TMEM135: variants seen among roughly 807,000 people sequenced by gnomAD.
TMEM135 encodes peroxisomal membrane protein 52.
Under a neutral mutation model 60.3 loss-of-function variants are expected in TMEM135, and 30 were observed. That is an observed-to-expected ratio of 0.50 (90% CI 0.37 to 0.68). The LOEUF (loss-of-function observed/expected upper bound fraction) is 0.68. Ranked by LOEUF, TMEM135 falls within the 30% of genes least tolerant of loss-of-function variation. The pLI, the probability that TMEM135 is intolerant of heterozygous loss-of-function variation, is 0.00. For synonymous variants in TMEM135, 190 were observed against 186.7 expected, an observed-to-expected ratio of 1.02 and a Z score of -0.14; for missense variants, 468 against 548.8, an observed-to-expected ratio of 0.85 and a Z score of 1.47.
intron 5 of TMEM135, among the ~76,000 whole-genome samples, chr11:87,195,193 C>G (rs1252144399): frequency 1.3e-5 from 2 of 152,116 alleles, no homozygotes; most frequent in Non-Finnish European, 2.9e-5. Context: ...AATTTATTTA[C>G]TGTCAAATGT....
intron 5 of TMEM135, among the ~76,000 whole-genome samples, chr11:87,223,885 C>G (rs931929678): frequency 6.6e-6 from 1 of 151,848 alleles, no homozygotes; most frequent in African/African-American, 2.4e-5. Context: ...ACCCCCAAAA[C>G]ATTATTAGTT....
chr11:87,201,975 G>A (rs992110942), intron 5 of TMEM135, among the ~76,000 whole-genome samples: 1 of 116,726 alleles, frequency 8.6e-6, no homozygotes, highest in Non-Finnish European at 1.7e-5. Flanking sequence ...GTTATGTTAT[G>A]TTATGTTATG....
At chr11:87,126,639 G>A (rs1284261863) in intron 4 of TMEM135, among the ~76,000 whole-genome samples, 3 of 151,098 alleles carry the variant, frequency 2.0e-5, no homozygotes, top group African/African-American at 7.3e-5. Flanking sequence ...AGGAGAAAAG[G>A]ACTCATTGTA....
intron 7 of TMEM135, among the ~76,000 whole-genome samples, chr11:87,296,945 A>G (rs1223996280): frequency 1.3e-5 from 2 of 152,170 alleles, no homozygotes; most frequent in African/African-American, 4.8e-5. Context: ...GTAGGGCCAG[A>G]TTATGGAAGA....
intron 4 of TMEM135, among the ~76,000 whole-genome samples, chr11:87,154,042 T>C (rs965239981): frequency 2.6e-5 from 4 of 152,216 alleles, no homozygotes; most frequent in African/African-American, 9.6e-5. Flanking sequence ...TGGCATTAAG[T>C]AAATTCACAT....
At chr11:87,286,247 C>T (rs1942162189) in intron 6 of TMEM135, among the ~76,000 whole-genome samples, 1 of 151,708 alleles carries the variant, frequency 6.6e-6, no homozygotes, top group Non-Finnish European at 1.5e-5. Context: ...AAACCTTGAG[C>T]TAGACACAGA....
chr11:87,096,790 A>G (rs1284510453), intron 4 of TMEM135, among the ~76,000 whole-genome samples: 4 of 152,304 alleles, frequency 2.6e-5, no homozygotes, highest in African/African-American at 2.4e-5. Flanking sequence ...TGCTTACTAC[A>G]TTGCATGTCT....
intron 5 of TMEM135, among the ~76,000 whole-genome samples, chr11:87,167,233 C>A (rs1170202510): frequency 6.6e-6 from 1 of 152,292 alleles, no homozygotes; most frequent in Non-Finnish European, 1.5e-5. Flanking sequence ...TCTAAATATA[C>A]AATTATGTCA....
intron 6 of TMEM135, among the ~76,000 whole-genome samples, chr11:87,255,278 A>G (rs1330775709): frequency 1.3e-5 from 2 of 152,180 alleles, no homozygotes; most frequent in Non-Finnish European, 2.9e-5. Flanking sequence ...CAGAGGAGCA[A>G]AATTCTGCCA....
chr11:87,122,902 A>G (rs1937626293), intron 4 of TMEM135, among the ~76,000 whole-genome samples: 1 of 152,212 alleles, frequency 6.6e-6, no homozygotes, highest in Admixed American at 6.5e-5. Flanking sequence ...GCTGAAGTCC[A>G]GAAGTTGAGT....
At chr11:87,070,231 A>T (rs1856749488) in intron 2 of TMEM135, among the ~76,000 whole-genome samples, 1 of 152,140 alleles carries the variant, frequency 6.6e-6, no homozygotes, top group South Asian at 2.1e-4. Flanking sequence ...CATAATGTAT[A>T]ATTTAGCAAT....
chr11:87,074,429 C>A (rs902050014), intron 3 of TMEM135, among the ~76,000 whole-genome samples: 1 of 152,036 alleles, frequency 6.6e-6, no homozygotes, highest in Admixed American at 6.6e-5. Flanking sequence ...AATAGAAAAA[C>A]TGTGTATATT....
At chr11:87,131,344 C>CCCCTGTGCTCTACCTATTCATT (rs1937923639) in intron 4 of TMEM135, among the ~76,000 whole-genome samples, 1 of 152,124 alleles carries the variant, frequency 6.6e-6, no homozygotes, top group African/African-American at 2.4e-5. Flanking sequence ...CCCTGAAAAT[C>CCCCTGTGCTCTACCTATTCATT]CCTTGCAGCC....
At chr11:87,060,561 G>A (rs1243376398) in intron 1 of TMEM135, among the ~76,000 whole-genome samples, 1 of 152,048 alleles carries the variant, frequency 6.6e-6, no homozygotes, top group Non-Finnish European at 1.5e-5. Flanking sequence ...GTAGTTAAGA[G>A]CCACTTGCCT....
chr11:87,076,623 A>C (rs1430712895), intron 3 of TMEM135, among the ~76,000 whole-genome samples: 1 of 152,180 alleles, frequency 6.6e-6, no homozygotes, highest in Non-Finnish European at 1.5e-5. Flanking sequence ...TGCCATAGCC[A>C]GCCACAGCTG....
At chr11:87,300,100 TATA>T (rs1942416999) in intron 7 of TMEM135, among the ~76,000 whole-genome samples, 1 of 152,196 alleles carries the variant, frequency 6.6e-6, no homozygotes, top group African/African-American at 2.4e-5. Context: ...TTAATTGTAA[TATA>T]ATAATAGCTT....
intron 1 of TMEM135, among the ~76,000 whole-genome samples, chr11:87,043,664 A>T (rs1267376436): frequency 6.6e-6 from 1 of 152,046 alleles, no homozygotes; most frequent in East Asian, 1.9e-4. Flanking sequence ...CGGAGGTTGT[A>T]CTGAGCAGAG....
intron 5 of TMEM135, among the ~76,000 whole-genome samples, chr11:87,184,225 G>C (rs564090149): frequency 1.3e-5 from 2 of 152,078 alleles, no homozygotes; most frequent in Non-Finnish European, 2.9e-5. Flanking sequence ...ATTAAAGAAT[G>C]GGTATATGAA....
At chr11:87,057,520 C>T (rs1244947715) in intron 1 of TMEM135, among the ~76,000 whole-genome samples, 1 of 151,944 alleles carries the variant, frequency 6.6e-6, no homozygotes, top group Non-Finnish European at 1.5e-5. Flanking sequence ...TTTTGCTTTG[C>T]GATTTATGAT....
Sources: gnomAD v4.1 joint callset for allele counts (sites outside exome capture counted in the v4.1 genomes callset) on GRCh38, gnomAD v4.1.1 for gene constraint, MANE v1.5 for transcripts, NCBI Gene and HGNC (gene_info 2026-07-23, HGNC 2026-07-21) for gene names.